PTOV1: variants seen among roughly 807,000 people sequenced by gnomAD.
The protein encoded by PTOV1 is PTOV1 extended AT-hook containing adaptor protein, also known as prostate tumor-overexpressed gene 1 protein.
A neutral mutation model predicts 58.0 loss-of-function variants in PTOV1; 20 were observed. The observed-to-expected ratio is 0.34, with a 90% CI of 0.24 to 0.50. The LOEUF (loss-of-function observed/expected upper bound fraction) is 0.50, where lower values mean the gene tolerates loss of function less well. PTOV1 is among the 20% of genes least tolerant of loss of function. The pLI is 0.98. For missense variants in PTOV1, 593 were observed against 565.4 expected (o/e 1.05, Z -0.50); for synonymous variants, 335 against 234.2 (o/e 1.43, Z -3.93).
At position 49,857,001 on chromosome 19, in the gene PTOV1, C is replaced by T. The variant is rs1306107107; in HGVS notation, c.585C>T (p.Ile195=). ...CGGGCTGCATGCTGTTCCCCCACAT[C>T]TCCCCCTGTGAGGTGCGCGTGCTCA... is the stretch of plus-strand genomic sequence containing the variant. The change falls in exon 6 of 12, where the codon ATC becomes ATT. Residue 195 remains isoleucine (I), a synonymous_variant. Transcript: ENST00000391842. 7 of 1,613,594 alleles carry T rather than the reference C, an allele frequency of 4.3e-6. No individual in the cohort carries two copies. In the East Asian group the frequency reaches 8.9e-5, roughly 21 times the overall value.
intron 10 of PTOV1, among the ~76,000 whole-genome samples, chr19:49,859,573 A>C (rs2074651187): frequency 7.8e-6 from 1 of 127,874 alleles, no homozygotes; most frequent in Non-Finnish European, 1.6e-5. Flanking sequence ...ACTCAGTCTC[A>C]AAAAAAAAAA....
intron 6 of PTOV1, 56 bp downstream of exon 6, chr19:49,857,186 C>T (rs2074509936): frequency 6.3e-7 from 1 of 1,599,404 alleles, no homozygotes; most frequent in African/African-American, 1.3e-5. Flanking sequence ...ACCCCACTGC[C>T]CTGGTTGGGC....
At chr19:49,850,983 C>A (rs879701825), upstream of PTOV1, 79 of 1,535,134 alleles carry the variant, frequency 5.1e-5, no homozygotes, top group Non-Finnish European at 6.8e-5. Context: ...CGCCACGCCC[C>A]CTGAAGTTGT....
chr19:49,860,477 G>T lies in PTOV1; in HGVS notation c.*198G>T, dbSNP rs367843481. 1,719 of 819,638 alleles carry T rather than the reference G, an allele frequency of 2.1e-3. 27 individuals carry two copies. In the South Asian group the frequency reaches 0.022, roughly 10 times the overall value. 50.8% of individuals were successfully genotyped at this position (819,638 alleles called of 1,614,324 possible). A position where few individuals can be genotyped will look rare whatever the true frequency, so the allele number is the denominator to read the frequency against. ...GCAGTCCCAGCGGTCCTAGGCTGTC[G>T]GGAAACTGCAGCCCAGCCTCAGGGC... On this transcript the variant is annotated 3_prime_UTR_variant, in exon 12 of 12. Transcript: ENST00000391842.
chr19:49,852,645 T>C (rs1488543299), intron 1 of PTOV1: 2 of 152,212 alleles, frequency 1.3e-5, no homozygotes, highest in Non-Finnish European at 2.9e-5. Context: ...GGCAAGCATA[T>C]GTGTTCTTTA....
In PTOV1 at chr19:49,860,302, T is replaced by C. The variant is rs370425935; in HGVS notation, c.*23T>C. On this transcript the variant is annotated 3_prime_UTR_variant, in exon 12 of 12. Coordinates refer to ENST00000391842, the Ensembl canonical transcript of PTOV1. ...TAGTGGTTACCCCGGGCTGGGCCCC[T>C]CCAGGAGTCACAGATGAGGCCCCCG... 647 of 1,422,634 alleles carry C rather than the reference T, an allele frequency of 4.5e-4. 3 individuals are homozygous for C. Among genetic ancestry groups the C allele is most frequent in the Middle Eastern group, 4.0e-4 (2 of 5,024 alleles). The allele number at this position is 1,422,634 out of a possible 1,614,324, so 88.1% of individuals were successfully genotyped here.
chr19:49,851,219 GCCCGTCTCC>G (rs2074229723), exon 1 of PTOV1: 1 of 1,164,934 alleles, frequency 8.6e-7, no homozygotes. Context: ...GTACGGCTCA[GCCCGTCTCC>G]CCCGAAGCCG....
upstream of PTOV1, chr19:49,850,970 T>G: frequency 6.5e-7 from 1 of 1,535,022 alleles, no homozygotes; most frequent in Non-Finnish European, 8.7e-7. Context: ...GGGCTCCCGT[T>G]CCCGCCACGC....
At chr19:49,856,857 G>C in intron 5 of PTOV1, 118 bp from the exon 6 acceptor site, 10 of 1,244,368 alleles carry the variant, frequency 8.0e-6, no homozygotes, top group Non-Finnish European at 1.1e-5. Flanking sequence ...CCTTGACTGT[G>C]GGGGCCTCTG....
chr19:49,860,580 T>C, exon 12 of PTOV1: 1 of 541,414 alleles, frequency 1.8e-6, no homozygotes, highest in Non-Finnish European at 3.3e-6. Context: ...TGGGAGCCTG[T>C]GGCCAGCAGC....
At chr19:49,854,658 A>G in exon 3 of PTOV1, 1 of 1,613,478 alleles carries the variant, frequency 6.2e-7, no homozygotes, top group Non-Finnish European at 8.5e-7. Flanking sequence ...ACAGAAGCGC[A>G]GACCCTACTC....
At chr19:49,859,630 C>T (rs907361058) in intron 10 of PTOV1, among the ~76,000 whole-genome samples, 2 of 152,176 alleles carry the variant, frequency 1.3e-5, no homozygotes, top group Non-Finnish European at 2.9e-5. Context: ...TACCTCAGCC[C>T]TTGCTTGTGC....
rs575957865 is a variant in PTOV1 at position 49,858,064 on chromosome 19, G to A, written c.886G>A (p.Glu296Lys). The change falls in exon 9 of 12, where the codon GAG becomes AAG. Residue 296 changes from glutamate to lysine, a missense_variant. By Grantham distance (56) the Glu-to-Lys change is moderately conservative (BLOSUM62 1). Coordinates refer to ENST00000391842, the Ensembl canonical transcript of PTOV1. ...TCCCTTTGTGCCCCACAGGAGGACC[G>A]AGCAGTGGCCAAGGAAGCTGTACAT... The A allele has an allele frequency of 2.0e-5, 33 of 1,614,050 alleles. No individual in the cohort carries two copies. In the East Asian group the frequency reaches 3.3e-4, roughly 16 times the overall value.
upstream of PTOV1, chr19:49,851,147 C>G: frequency 7.7e-7 from 1 of 1,305,586 alleles, no homozygotes; most frequent in Non-Finnish European, 9.7e-7. Context: ...GCCGGGCTCC[C>G]CCGCTCGCCT....
intron 1 of PTOV1, 90 bp downstream of exon 1, chr19:49,851,589 C>G: frequency 9.8e-7 from 1 of 1,025,198 alleles, no homozygotes; most frequent in Non-Finnish European, 1.2e-6. Context: ...CAGCCCCCGC[C>G]GCTCCGGGGT....
At chr19:49,852,036 C>G (rs1009627368) in intron 1 of PTOV1, 6 of 985,372 alleles carry the variant, frequency 6.1e-6, no homozygotes, top group Non-Finnish European at 7.2e-6. Context: ...GCCGTGAGCC[C>G]AGACCTTAAA....
rs777386239 is a variant in PTOV1, at chr19:49,854,563, C to T, written c.309+20C>T. 38 of 1,612,228 alleles carry T rather than the reference C, an allele frequency of 2.4e-5. No individual in the cohort carries two copies. In the East Asian group the frequency reaches 5.3e-4, roughly 23 times the overall value. ...CAGGAGGTGAGTCTCTGTGGGGCTG[C>T]GGCTGGCCTCCAGGGTCTTGTCTTG... On this transcript the variant is annotated intron_variant, in intron 2 of 11. Transcript: ENST00000391842.
chr19:49,851,404 C>A (rs1600350161), exon 1 of PTOV1: 1 of 1,195,200 alleles, frequency 8.4e-7, no homozygotes, highest in Non-Finnish European at 1.0e-6. Flanking sequence ...CCCTCCGCGG[C>A]CCCTCGTGGT....
exon 12 of PTOV1, chr19:49,860,664 A>T (rs1385507946): frequency 1.3e-5 from 5 of 398,514 alleles, no homozygotes; most frequent in Non-Finnish European, 2.3e-5. Context: ...GCCCAGCAAC[A>T]TGGAGGATGG....
Sources: allele counts gnomAD v4.1 joint callset (sites outside exome capture counted in the v4.1 genomes callset), GRCh38; gene constraint gnomAD v4.1.1; transcripts MANE v1.5; gene names NCBI Gene and HGNC (gene_info 2026-07-23, HGNC 2026-07-21).